HS6ST3: variants seen among roughly 807,000 people sequenced by gnomAD.
HS6ST3 encodes heparan sulfate 6-O-sulfotransferase 3.
HS6ST3 carries 12 observed loss-of-function variants against 36.7 expected under a neutral mutation model. The observed-to-expected ratio is 0.33, with a 90% confidence interval of 0.21 to 0.53. HS6ST3 has a LOEUF of 0.53. Among genes scored for constraint, HS6ST3 ranks in the 20% least tolerant of loss-of-function variants. The pLI is 0.95. For synonymous variants in HS6ST3, 240 were observed against 257.5 expected (o/e 0.93, Z 0.65); for missense variants, 584 against 640.9 (o/e 0.91, Z 0.96).
chr13:96,210,624 C>T (rs2054394388), intron 1 of HS6ST3, among the ~76,000 whole-genome samples: 1 of 150,770 alleles, frequency 6.6e-6, no homozygotes, highest in South Asian at 2.1e-4. Flanking sequence ...GAGTCTCACT[C>T]ACTCTGTTGC....
chr13:96,668,074 T>C (rs2056670038), intron 1 of HS6ST3, among the ~76,000 whole-genome samples: 1 of 152,194 alleles, frequency 6.6e-6, no homozygotes, highest in South Asian at 2.1e-4. Context: ...CATTTTAATC[T>C]TCACAACAGC....
chr13:96,167,695 C>T (rs371286464), intron 1 of HS6ST3, among the ~76,000 whole-genome samples: 5 of 152,162 alleles, frequency 3.3e-5, no homozygotes, highest in Non-Finnish European at 5.9e-5. Context: ...CATGCTGAAT[C>T]GTGCAAGTAC....
At chr13:96,694,682 A>G (rs1378956419) in intron 1 of HS6ST3, among the ~76,000 whole-genome samples, 1 of 152,162 alleles carries the variant, frequency 6.6e-6, no homozygotes, top group Admixed American at 6.5e-5. Flanking sequence ...CTATTTCTCC[A>G]TAAATTCACC....
In HS6ST3 at chr13:96,112,578, A is replaced by AATATACATATATATATATATATATATAT. The variant is rs397773858; in HGVS notation, c.707+21014_707+21015insCATATATATATATATATATATATATATA. 2.1e-4 allele frequency among the ~76,000 whole-genome samples: 17 copies of AATATACATATATATATATATATATATAT among 81,248 alleles called. 6 individuals are homozygous for AATATACATATATATATATATATATATAT. In the Middle Eastern group the frequency reaches 0.018, roughly 86 times the overall value. The allele number at this position is 81,248 out of a possible 152,430, so 53.3% of individuals were successfully genotyped here. A position where few individuals can be genotyped will look rare whatever the true frequency, so the allele number is the denominator to read the frequency against. The stretch of plus-strand genomic sequence containing the variant: ...TAAAACCCCATCTCTAAAATAAATA[A>AATATACATATATATATATATATATATAT]ATATATATATATATATATATATATA... On this transcript the variant is annotated intron_variant, in intron 1 of 1. Coordinates refer to ENST00000376705, the MANE Select transcript of HS6ST3 (RefSeq NM_153456.4).
chr13:96,464,601 A>G (rs911059909), intron 1 of HS6ST3, among the ~76,000 whole-genome samples: 7 of 152,228 alleles, frequency 4.6e-5, no homozygotes, highest in African/African-American at 9.6e-5. Flanking sequence ...AATAGAATAT[A>G]TAAGTACGTA....
chr13:96,234,528 G>GC (rs2054525010), intron 1 of HS6ST3, among the ~76,000 whole-genome samples: 1 of 152,150 alleles, frequency 6.6e-6, no homozygotes, highest in African/African-American at 2.4e-5. Flanking sequence ...GGCTGGGGAG[G>GC]CCTCATAATC....
In HS6ST3 at chr13:96,810,963, T is replaced by C. The variant is rs571155899; in HGVS notation, c.708-21527T>C. ...TCTGAGCTGTGAACAATATTCCAAATACTAACAATAGAGACCATCCAAAAA... is the reference window on the plus strand; with the variant it reads ...TCTGAGCTGTGAACAATATTCCAAACACTAACAATAGAGACCATCCAAAAA... On this transcript the variant is annotated intron_variant, in intron 1 of 1. Coordinates refer to ENST00000376705, the MANE Select transcript of HS6ST3 (RefSeq NM_153456.4). Among the ~76,000 whole-genome samples, 346 of 152,226 alleles carry C rather than the reference T, an allele frequency of 2.3e-3. 2 individuals are homozygous for C. Among genetic ancestry groups the C allele is most frequent in the Non-Finnish European group, 3.0e-3 (204 of 68,008 alleles).
chr13:96,741,435 A>C (rs969474646), intron 1 of HS6ST3, among the ~76,000 whole-genome samples: 1 of 152,192 alleles, frequency 6.6e-6, no homozygotes, highest in Non-Finnish European at 1.5e-5. Context: ...CACTTCCAAG[A>C]CCTTGTCAAC....
intron 1 of HS6ST3, among the ~76,000 whole-genome samples, chr13:96,301,352 G>C (rs1482340003): frequency 6.6e-6 from 1 of 152,152 alleles, no homozygotes; most frequent in Non-Finnish European, 1.5e-5. Flanking sequence ...TAAAGCCAAA[G>C]TAATAAGATG....
intron 1 of HS6ST3, among the ~76,000 whole-genome samples, chr13:96,707,110 C>G (rs1566434784): frequency 6.6e-6 from 1 of 152,086 alleles, no homozygotes; most frequent in Non-Finnish European, 1.5e-5. Flanking sequence ...TTTTTGTCCT[C>G]CCAGAACTCA....
In HS6ST3 at chr13:96,336,092, T is replaced by A. The variant is rs139456407; in HGVS notation, c.707+244523T>A. Among the ~76,000 whole-genome samples, 1,128 of 152,292 alleles carry A rather than the reference T, an allele frequency of 7.4e-3. 14 individuals are homozygous for A. The highest frequency in any genetic ancestry group is 0.028 in the Admixed American group (426 of 15,296). On this transcript the variant is annotated intron_variant, in intron 1 of 1. Coordinates refer to ENST00000376705, the MANE Select transcript of HS6ST3 (RefSeq NM_153456.4). ...AATTGGAAATGATATATAGAGAGTA[T>A]TACATTATTATTCACATTTTCATAT...
intron 1 of HS6ST3, among the ~76,000 whole-genome samples, chr13:96,335,121 C>T (rs527792604): frequency 6.6e-6 from 1 of 152,198 alleles, no homozygotes; most frequent in South Asian, 2.1e-4. Context: ...TTTGTTGTTA[C>T]TAACTGGGGG....
intron 1 of HS6ST3, among the ~76,000 whole-genome samples, chr13:96,176,581 A>G (rs572940575): frequency 6.6e-6 from 1 of 152,298 alleles, no homozygotes; most frequent in East Asian, 1.9e-4. Context: ...TCATGCTTCC[A>G]ACAAACCTGT....
intron 1 of HS6ST3, among the ~76,000 whole-genome samples, chr13:96,250,295 G>A (rs1313365720): frequency 6.6e-6 from 1 of 152,154 alleles, no homozygotes; most frequent in Non-Finnish European, 1.5e-5. Flanking sequence ...ATCCCCCAAA[G>A]GATATGTTTG....
chr13:96,276,903 C>G (rs2054751295), intron 1 of HS6ST3, among the ~76,000 whole-genome samples: 1 of 152,172 alleles, frequency 6.6e-6, no homozygotes, highest in South Asian at 2.1e-4. Context: ...CAAGATACTG[C>G]AAGCTGGTGA....
chr13:96,576,637 A>T (rs9582054), intron 1 of HS6ST3, among the ~76,000 whole-genome samples: 21,905 of 151,998 alleles, frequency 0.14, 1,990 homozygotes, highest in African/African-American at 0.26. Flanking sequence ...CCTTAAGCTG[A>T]TTTTTTTCTT....
chr13:96,301,137 G>A (rs2054879741), intron 1 of HS6ST3, among the ~76,000 whole-genome samples: 1 of 152,114 alleles, frequency 6.6e-6, no homozygotes, highest in African/African-American at 2.4e-5. Context: ...AACCCACATT[G>A]CATTGGAAAT....
At chr13:96,107,527 G>T (rs569862521) in intron 1 of HS6ST3, among the ~76,000 whole-genome samples, 2 of 152,222 alleles carry the variant, frequency 1.3e-5, no homozygotes, top group East Asian at 3.9e-4. Flanking sequence ...GGGGTGAAGG[G>T]TGACAATGAT....
intron 1 of HS6ST3, among the ~76,000 whole-genome samples, chr13:96,345,099 C>T (rs1229447505): frequency 6.6e-6 from 1 of 152,146 alleles, no homozygotes; most frequent in African/African-American, 2.4e-5. Flanking sequence ...GAGAAACATC[C>T]TAGAATGAGG....
Sources: gnomAD v4.1 joint callset for allele counts (sites outside exome capture counted in the v4.1 genomes callset) on GRCh38, gnomAD v4.1.1 for gene constraint, MANE v1.5 for transcripts, NCBI Gene and HGNC (gene_info 2026-07-23, HGNC 2026-07-21) for gene names.